Variants in STPG2 observed in about 807,000 individuals in gnomAD.
The protein encoded by STPG2 is sperm-tail PG-rich repeat-containing protein 2.
STPG2 carries 56 observed loss-of-function variants against 54.2 expected under a neutral mutation model. That is an observed-to-expected ratio of 1.03 (90% CI 0.83 to 1.29). The LOEUF (loss-of-function observed/expected upper bound fraction) is 1.29, where lower values mean the gene tolerates loss of function less well. Among genes scored for constraint, STPG2 ranks in the 50% most tolerant of loss-of-function variants. The pLI is 0.00. For missense variants in STPG2, 596 were observed against 544.9 expected (o/e 1.09, Z -0.93); for synonymous variants, 200 against 181.8 (o/e 1.10, Z -0.81).
intron 10 of STPG2, among the ~76,000 whole-genome samples, chr4:97,633,981 G>T (rs1441805689): frequency 6.6e-6 from 1 of 152,178 alleles, no homozygotes; most frequent in Non-Finnish European, 1.5e-5. Flanking sequence ...GAACTGGGTG[G>T]AGCCCACCAC....
At chr4:98,037,615 G>T (rs1192304026) in intron 5 of STPG2, among the ~76,000 whole-genome samples, 1 of 151,872 alleles carries the variant, frequency 6.6e-6, no homozygotes, top group South Asian at 2.1e-4. Flanking sequence ...AGGGAAAGAG[G>T]AAAGGAGTAA....
rs1352465408 is a variant in STPG2 at position 97,774,968 on chromosome 4, C to T, written c.1205-62154G>A. On this transcript the variant is annotated intron_variant, in intron 9 of 10. Transcript: ENST00000295268. Reference sequence around the variant, plus strand: ...TATGACCGGCTCAGTGATGTCCAAACACAGGCAATGGTTACACCTGGCTAT... The same window carrying T: ...TATGACCGGCTCAGTGATGTCCAAATACAGGCAATGGTTACACCTGGCTAT... Among the ~76,000 whole-genome samples, 3 of 152,172 alleles carry T rather than the reference C, an allele frequency of 2.0e-5. No individual in the cohort carries two copies. In the East Asian group the frequency reaches 5.8e-4, roughly 29 times the overall value.
intron 4 of STPG2, among the ~76,000 whole-genome samples, chr4:97,530,515 T>C (rs965892973): frequency 1.3e-5 from 2 of 152,182 alleles, no homozygotes; most frequent in African/African-American, 4.8e-5. Context: ...TGTGTGTGTG[T>C]GTGTGTGTTT....
intron 5 of STPG2, among the ~76,000 whole-genome samples, chr4:98,102,879 T>C (rs1332221025): frequency 6.7e-6 from 1 of 148,780 alleles, no homozygotes; most frequent in African/African-American, 2.4e-5. Context: ...ATATATCATG[T>C]AATATATTAA....
chr4:97,681,799 T>G (rs1723043262), intron 10 of STPG2, among the ~76,000 whole-genome samples: 1 of 151,824 alleles, frequency 6.6e-6, no homozygotes, highest in Non-Finnish European at 1.5e-5. Context: ...TGTATTTTTA[T>G]GTCCTGTTGA....
At chr4:97,497,138 T>G (rs1730627560) in intron 4 of STPG2, among the ~76,000 whole-genome samples, 1 of 151,706 alleles carries the variant, frequency 6.6e-6, no homozygotes, top group Non-Finnish European at 1.5e-5. Flanking sequence ...TCCTTTTACT[T>G]CTCAAGCATT....
At chr4:97,611,748 C>T (rs989563005) in intron 10 of STPG2, among the ~76,000 whole-genome samples, 2 of 151,468 alleles carry the variant, frequency 1.3e-5, no homozygotes, top group Non-Finnish European at 2.9e-5. Context: ...AGTTATGAGA[C>T]TATTAATTAT....
At chr4:97,564,044 C>T (rs1394865098) in intron 10 of STPG2, among the ~76,000 whole-genome samples, 2 of 152,110 alleles carry the variant, frequency 1.3e-5, no homozygotes, top group Non-Finnish European at 2.9e-5. Context: ...GTTAAAGTCT[C>T]CCATTATTAT....
chr4:97,956,068 A>G (rs1733660280), intron 7 of STPG2, among the ~76,000 whole-genome samples: 1 of 151,814 alleles, frequency 6.6e-6, no homozygotes, highest in African/African-American at 2.4e-5. Context: ...AAATAAAAAA[A>G]GTAATCCACA....
rs1727938529 is a variant in STPG2, at chr4:97,816,994, A to G, written c.1204+23779T>C. Among the ~76,000 whole-genome samples, 3 of 147,744 alleles carry G rather than the reference A, an allele frequency of 2.0e-5. No individual in the cohort carries two copies. The South Asian group carries it at 6.3e-4, about 31-fold the overall frequency. ...TTTTATATATTATATATTATTTTATATATACATATATTTCCTATTGGTTCT... is the reference window on the plus strand; with the variant it reads ...TTTTATATATTATATATTATTTTATGTATACATATATTTCCTATTGGTTCT... On this transcript the variant is annotated intron_variant, in intron 9 of 10. Coordinates refer to ENST00000295268, the MANE Select transcript of STPG2 (RefSeq NM_174952.3).
At chr4:97,449,450 C>T (rs1324952132) in intron 4 of STPG2, among the ~76,000 whole-genome samples, 1 of 152,128 alleles carries the variant, frequency 6.6e-6, no homozygotes, top group Non-Finnish European at 1.5e-5. Flanking sequence ...AAAGACAAAA[C>T]TTCAAAGGAA....
Position 97,579,115 on chromosome 4 carries a change from A to G in STPG2, c.1321-19998T>C, listed in dbSNP as rs137981035. Among the ~76,000 whole-genome samples, 35 of 152,240 alleles carry G rather than the reference A, an allele frequency of 2.3e-4. No individual in the cohort carries two copies. In the East Asian group the frequency reaches 6.6e-3, roughly 29 times the overall value. ...CAAGTGACTTTTAGACAAAACACCT[A>G]CTTCTGCAAAGAACTTGCATGAATT... On this transcript the variant is annotated intron_variant, in intron 10 of 10. Transcript: ENST00000295268.
intron 9 of STPG2, among the ~76,000 whole-genome samples, chr4:97,827,560 A>G (rs1430189234): frequency 1.3e-5 from 2 of 152,154 alleles, no homozygotes; most frequent in Non-Finnish European, 2.9e-5. Context: ...AATCAAGTAA[A>G]GTATACTCCT....
At chr4:97,921,204 C>T (rs1732093036) in intron 8 of STPG2, among the ~76,000 whole-genome samples, 1 of 152,104 alleles carries the variant, frequency 6.6e-6, no homozygotes, top group Non-Finnish European at 1.5e-5. Context: ...CTTTGCCATG[C>T]ACCCCTGACC....
chr4:98,049,100 G>GT (rs1737232654), intron 5 of STPG2: 1 of 152,028 alleles, frequency 6.6e-6, no homozygotes, highest in Admixed American at 6.5e-5. Context: ...AAAGTAAAGA[G>GT]TTTTTGCTTA....
chr4:97,630,676 A>G (rs571250693), intron 10 of STPG2, among the ~76,000 whole-genome samples: 5 of 152,038 alleles, frequency 3.3e-5, no homozygotes, highest in Admixed American at 3.3e-4. Context: ...AATGGATTGA[A>G]AGCAGAAATA....
chr4:97,785,839 C>CA (rs11414456), intron 9 of STPG2, among the ~76,000 whole-genome samples: 26,632 of 145,588 alleles, frequency 0.18, 2,563 homozygotes, highest in East Asian at 0.36. Flanking sequence ...GAAGACATGG[C>CA]AAAAAAAAAA....
chr4:98,025,757 G>T (rs1736396977), intron 5 of STPG2: 18 of 1,563,786 alleles, frequency 1.2e-5, no homozygotes, highest in Non-Finnish European at 1.6e-5. Context: ...CCAAGTGGAG[G>T]TGACTGGCGA....
intron 8 of STPG2, among the ~76,000 whole-genome samples, chr4:97,901,768 C>A (rs1016442951): frequency 6.6e-6 from 1 of 151,654 alleles, no homozygotes; most frequent in South Asian, 2.1e-4. Flanking sequence ...TCAATGCAAT[C>A]CCTATCAAAA....
Sources: allele counts gnomAD v4.1 joint callset (sites outside exome capture counted in the v4.1 genomes callset), GRCh38; gene constraint gnomAD v4.1.1; transcripts MANE v1.5; gene names NCBI Gene and HGNC (gene_info 2026-07-23, HGNC 2026-07-21).